The following CUZD1 variants were observed in gnomAD, a reference collection of about 807,000 sequenced individuals.
CUZD1 encodes CUB and zona pellucida like domains 1, also known as CUB and zona pellucida-like domain-containing protein 1.
CUZD1 carries 42 observed loss-of-function variants against 53.1 expected under a neutral mutation model. That is an observed-to-expected ratio of 0.79 (90% CI 0.62 to 1.02). The LOEUF (loss-of-function observed/expected upper bound fraction) is 1.02, where lower values mean the gene tolerates loss of function less well. Ranked by LOEUF, CUZD1 falls within the 50% of genes least tolerant of loss-of-function variation. CUZD1 has a pLI of 0.00. For synonymous variants in CUZD1, 238 were observed against 257.2 expected (o/e 0.93, Z 0.71); for missense variants, 670 against 715.7 (o/e 0.94, Z 0.73).
chr10:122,835,663 C>T (rs1222811113), intron 6 of CUZD1, among the ~76,000 whole-genome samples: 1 of 152,074 alleles, frequency 6.6e-6, no homozygotes, highest in Non-Finnish European at 1.5e-5. Context: ...AGTATGTATC[C>T]TAAAGAGACC....
At chr10:122,838,842 A>T (rs961990044) in intron 3 of CUZD1, among the ~76,000 whole-genome samples, 175 bp downstream of exon 3, 7 of 152,204 alleles carry the variant, frequency 4.6e-5, no homozygotes, top group Non-Finnish European at 1.0e-4. Context: ...CTGTGATTTA[A>T]CAAGCTCTCC....
At chr10:122,838,925 C>T in intron 3 of CUZD1, 92 bp downstream of exon 3, 2 of 951,742 alleles carry the variant, frequency 2.1e-6, no homozygotes, top group Non-Finnish European at 3.3e-6. Context: ...AGGGAATATA[C>T]TCAGACTGAA....
At chr10:122,838,955 G>A (rs1847293930) in intron 3 of CUZD1, 62 bp downstream of exon 3, 2 of 1,270,376 alleles carry the variant, frequency 1.6e-6, no homozygotes, top group Admixed American at 3.4e-5. Context: ...AACCCGGACA[G>A]AAGAGTGTGT....
At chr10:122,832,639 T>C (rs1847177698) in intron 8 of CUZD1, among the ~76,000 whole-genome samples, 189 bp from the exon 9 acceptor site, 1 of 152,220 alleles carries the variant, frequency 6.6e-6, no homozygotes, top group Non-Finnish European at 1.5e-5. Flanking sequence ...ATATTTAATT[T>C]TGAACTTGTT....
chr10:122,836,990 T>C lies in CUZD1; in HGVS notation c.658A>G (p.Thr220Ala), dbSNP rs1284010472. 7 of 1,613,986 alleles carry C rather than the reference T, an allele frequency of 4.3e-6. No homozygotes were observed. The African/African-American group carries it at 8.0e-5, about 18-fold the overall frequency. ...ACTTGTCCAATCAGGCCAGAGTTGGTGGAGGGGCCATCATAGATGGCAAGA... is the reference window on the plus strand; with the variant it reads ...ACTTGTCCAATCAGGCCAGAGTTGGCGGAGGGGCCATCATAGATGGCAAGA... ...DFLAIYDGPS[T>A]NSGLIGQVCG... The change falls in exon 5 of 9, where the codon ACC becomes GCC. Residue 220 changes from threonine (T) to alanine (A), a missense_variant. Transcript: ENST00000392790.
Position 122,836,260 on chromosome 10 carries a change from A to G in CUZD1, c.908T>C (p.Leu303Pro). The change falls in exon 6 of 9, where the codon CTA (leucine) becomes CCA (proline). Residue 303 changes from leucine to proline, a missense_variant. Leu to Pro is a moderately conservative substitution (Grantham distance 98). Transcript: ENST00000392790. ...AFNSNGNNLQ[L>P]KDPTCRPKLS... ...TTTTGGTCTGCAAGTTGGGTCTTTT[A>G]GTTGCAAGTTATTCCCATTAGAGTT... The G allele has an allele frequency of 1.2e-6, 2 of 1,612,982 alleles. No individual in the cohort carries two copies. The highest frequency in any genetic ancestry group is 1.7e-6 in the Non-Finnish European group (2 of 1,179,588).
Position 122,839,054 on chromosome 10 carries a change from A to G in CUZD1, c.411T>C (p.Thr137=), listed in dbSNP as rs775978332. Residue 137 remains threonine (T), a synonymous_variant, in exon 3 of 9, where the codon ACT becomes ACC. Transcript: ENST00000392790. Reference sequence around the variant, plus strand: ...AGAAGAAGTAGTAGAAGACAAAGACAGTTCTTTGAATTCTTGCTGAGTCAG... The same window carrying G: ...AGAAGAAGTAGTAGAAGACAAAGACGGTTCTTTGAATTCTTGCTGAGTCAG... The part of the protein sequence containing the change: ...IVTDSARIQR[T]VFVFYYFFSP... 13 of 1,613,956 alleles carry G rather than the reference A, an allele frequency of 8.1e-6. No homozygotes were observed. The Admixed American group carries it at 2.0e-4, about 25-fold the overall frequency.
intron 7 of CUZD1, 100 bp from the exon 8 acceptor site, chr10:122,834,040 T>C: frequency 1.9e-6 from 2 of 1,042,490 alleles, no homozygotes; most frequent in Middle Eastern, 3.0e-4. Context: ...TCCAAAAATC[T>C]CTCTCAAAAG....
At chr10:122,833,204 C>T (rs1847186960) in intron 8 of CUZD1, among the ~76,000 whole-genome samples, 1 of 152,058 alleles carries the variant, frequency 6.6e-6, no homozygotes. Flanking sequence ...GGTTTCAAGC[C>T]TTTCAAAAGA....
rs139868556 is a variant in CUZD1 at position 122,832,316 on chromosome 10, G to A, written c.1786C>T (p.Arg596Trp). The A allele has an allele frequency of 1.7e-4, 279 of 1,613,884 alleles. 1 individual carries two copies. Among genetic ancestry groups the A allele is most frequent in the South Asian group, 7.9e-4 (72 of 91,064 alleles). Residue 596 changes from arginine to tryptophan, a missense_variant, in exon 9 of 9, where the codon CGG (arginine) becomes TGG (tryptophan). Arg to Trp is a moderately radical substitution (Grantham distance 101). Transcript: ENST00000392790. ...AGCTTCTGGTATTTGTAGTCTGCCC[G>A]TTGATTTACAAAATGCCTCACTGTG... ...TITVRHFVNQ[R>W]ADYKYQKLQN...
Position 122,836,327 on chromosome 10 carries a change from T to C in CUZD1, c.841A>G (p.Arg281Gly). The C allele has an allele frequency of 6.4e-7, 1 of 1,567,336 alleles. No individual in the cohort carries two copies. ...NTTSLTCSSD[R>G]MRVIISKSYL... is the part of the protein sequence containing the mutation. ...GATTTGCTTATAATAACTCTCATCC[T>C]GTCAGAAGAGCAAGTTAAAGATGCT... Residue 281 changes from arginine (R) to glycine (G), a missense_variant, in exon 6 of 9, where the codon AGG becomes GGG. Arg to Gly is a moderately radical substitution (Grantham distance 125). Coordinates refer to ENST00000392790, the MANE Select transcript of CUZD1 (RefSeq NM_022034.6).
intron 2 of CUZD1, 35 bp downstream of exon 2, chr10:122,841,143 A>G: frequency 6.3e-7 from 1 of 1,587,068 alleles, no homozygotes; most frequent in Non-Finnish European, 8.6e-7. Context: ...TCAGAGTTCG[A>G]TATCCCTTAT....
At chr10:122,840,199 T>C (rs1847317818) in intron 2 of CUZD1, among the ~76,000 whole-genome samples, 1 of 152,194 alleles carries the variant, frequency 6.6e-6, no homozygotes, top group Non-Finnish European at 1.5e-5. Context: ...AATTCCAACT[T>C]CAGTGGTACA....
At chr10:122,834,685 A>C in intron 7 of CUZD1, 21 bp downstream of exon 7, 1 of 1,537,700 alleles carries the variant, frequency 6.5e-7, no homozygotes, top group Non-Finnish European at 8.8e-7. Flanking sequence ...TCATACATAC[A>C]TCAGTTACAT....
chr10:122,836,797 C>T, intron 5 of CUZD1, 34 bp downstream of exon 5: 1 of 1,539,800 alleles, frequency 6.5e-7, no homozygotes, highest in Non-Finnish European at 9.0e-7. Context: ...CTTCGAAGAG[C>T]TCAAAATAGC....
intron 4 of CUZD1, 30 bp from the exon 5 acceptor site, chr10:122,837,078 A>G (rs760233792): frequency 7.6e-6 from 11 of 1,451,982 alleles, no homozygotes; most frequent in Middle Eastern, 1.7e-4. Context: ...GGTGAAAAAG[A>G]GTTTCAAACC....
chr10:122,835,565 G>A (rs1566231304), intron 6 of CUZD1, among the ~76,000 whole-genome samples: 1 of 152,104 alleles, frequency 6.6e-6, no homozygotes, highest in Non-Finnish European at 1.5e-5. Context: ...AAGATACGAT[G>A]ATTTACTTCT....
At chr10:122,843,761 A>T (rs1847382013) in intron 1 of CUZD1, among the ~76,000 whole-genome samples, 1 of 150,092 alleles carries the variant, frequency 6.7e-6, no homozygotes, top group Non-Finnish European at 1.5e-5. Flanking sequence ...GGAGAAATGG[A>T]GAGTGAATGG....
Position 122,833,682 on chromosome 10 carries a change from A to T in CUZD1, c.1641T>A (p.Ser547Arg). ...TAGCTTTTTTCTTACCTGAATTGCCACTTGCACTTCGATCCCTTTTCAGAC... is the reference window on the plus strand; with the variant it reads ...TAGCTTTTTTCTTACCTGAATTGCCTCTTGCACTTCGATCCCTTTTCAGAC... ...PIRLKRDRSA[S>R]GNSGFQHETH... The change falls in exon 8 of 9, where the codon AGT becomes AGA. Residue 547 changes from serine (S) to arginine (R), a missense_variant. Physicochemically the swap from Ser to Arg is moderately radical, Grantham distance 110. Transcript: ENST00000392790. 6.2e-7 allele frequency: 1 copy of T among 1,612,978 alleles called. No individual in the cohort carries two copies. Among genetic ancestry groups the T allele is most frequent in the East Asian group, 2.2e-5 (1 of 44,852 alleles).
Sources: gnomAD v4.1 joint callset for allele counts (sites outside exome capture counted in the v4.1 genomes callset) on GRCh38, gnomAD v4.1.1 for gene constraint, MANE v1.5 for transcripts, NCBI Gene and HGNC (gene_info 2026-07-23, HGNC 2026-07-21) for gene names.